EPHA1: variants seen among roughly 807,000 people sequenced by gnomAD.
The protein encoded by EPHA1 is EPH receptor A1, also known as ephrin type-A receptor 1.
A neutral mutation model predicts 110.1 loss-of-function variants in EPHA1; 92 were observed. That is an observed-to-expected ratio of 0.84 (90% CI 0.71 to 0.99). The LOEUF is 0.99. Ranked by LOEUF, EPHA1 falls within the 50% of genes least tolerant of loss-of-function variation. The pLI, the probability that EPHA1 is intolerant of heterozygous loss-of-function variation, is 0.00. For missense variants in EPHA1, 1,204 were observed against 1,285.4 expected, an observed-to-expected ratio of 0.94 and a Z score of 0.97; for synonymous variants, 500 against 516.1, an observed-to-expected ratio of 0.97 and a Z score of 0.42.
chr7:143,394,990 C>T lies in EPHA1; in HGVS notation c.2170G>A (p.Gly724Arg). Residue 724 changes from glycine (G) to arginine (R), a missense_variant, in exon 14 of 18, where the codon GGG becomes AGG. Transcript: ENST00000275815. ...CCCTGCAGCATGGCCACTAGCTGCC[C>T]AGGGACCAGCTGGTCCTCCCGCTCC... ...LREREDQLVP[G>R]QLVAMLQGIA... is the part of the protein sequence containing the mutation. The T allele has an allele frequency of 6.2e-7, 1 of 1,614,060 alleles. No individual in the cohort carries two copies. Among genetic ancestry groups the T allele is most frequent in the Non-Finnish European group, 8.5e-7 (1 of 1,180,010 alleles).
In EPHA1 at chr7:143,400,067, G is replaced by A; in HGVS notation, c.433-14C>T. 1 of 1,572,198 alleles carries A rather than the reference G, an allele frequency of 6.4e-7. No homozygotes were observed. The highest frequency in any genetic ancestry group is 8.6e-7 in the Non-Finnish European group (1 of 1,156,450). On this transcript the variant is annotated splice_polypyrimidine_tract_variant and intron_variant, in intron 3 of 17. Coordinates refer to ENST00000275815, the MANE Select transcript of EPHA1 (RefSeq NM_005232.5). ...CACCGTGGTTACCTGGGTAGAAGGT[G>A]GGGAAGAAAGGGGAGCAATGGCAAA... is the stretch of plus-strand genomic sequence containing the variant.
Position 143,398,599 on chromosome 7 carries a change from A to C in EPHA1, c.1336+2T>G. On this transcript the variant is annotated splice_donor_variant, in intron 6 of 17. Coordinates refer to ENST00000275815, the MANE Select transcript of EPHA1 (RefSeq NM_005232.5). LOFTEE classifies it high-confidence loss of function. ...CTGTCCCAGCCCCTCTCAGCCTCTC[A>C]CCTGCATGCCCCATGCTGATGCTGA... 6.2e-7 allele frequency: 1 copy of C among 1,612,218 alleles called. No individual in the cohort carries two copies. The highest frequency in any genetic ancestry group is 8.5e-7 in the Non-Finnish European group (1 of 1,178,726).
rs758255288 is a variant in EPHA1 at position 143,394,906 on chromosome 7, CA to C, written c.2253del (p.Ala752ProfsTer6). 90 of 1,614,184 alleles carry C rather than the reference CA, an allele frequency of 5.6e-5. No individual in the cohort carries two copies. The highest frequency in any genetic ancestry group is 1.4e-4 in the South Asian group (13 of 91,076). ...TTTTGATTCACCAAGATGTTTCTGG[CA>C]GCCAGGTCCCGGTGGACATAATTGT... ...SNHNYVHRDLAARNILVNQNL... is the reference protein window; with the variant it reads ...SNHNYVHRDLXARNILVNQNL... On this transcript the variant is annotated frameshift_variant, in exon 14 of 18. Transcript: ENST00000275815. LOFTEE classifies it high-confidence loss of function.
chr7:143,408,669 GCC>G, intron 1 of EPHA1, 53 bp downstream of exon 1: 1 of 387,648 alleles, frequency 2.6e-6, no homozygotes, highest in Non-Finnish European at 4.3e-6. Context: ...TGCTGGCCGG[GCC>G]CCGGGAAGGG....
At chr7:143,394,716 G>A in intron 14 of EPHA1, 92 bp downstream of exon 14, 1 of 1,477,148 alleles carries the variant, frequency 6.8e-7, no homozygotes, top group South Asian at 1.2e-5. Context: ...CACCGTGCCT[G>A]GCCAAGTCTT....
Position 143,395,135 on chromosome 7 carries a change from C to T in EPHA1, c.2131G>A (p.Asp711Asn). Residue 711 changes from aspartate (D) to asparagine (N), a missense_variant, in exon 13 of 18, where the codon GAT becomes AAT. Transcript: ENST00000275815. This position sits in a 1 kb window ranked among gnomAD's most constrained non-coding sequence, Gnocchi z 4.7. ...ITEFMENGALDAFLREREDQL... is the reference protein window; with the variant it reads ...ITEFMENGALNAFLREREDQL... ...GCCCTCCTCACCCTCAGGAAGGCAT[C>T]CAGGGCTCCATTCTCCATAAATTCT... is the stretch of plus-strand genomic sequence containing the variant. 6.2e-7 allele frequency: 1 copy of T among 1,614,078 alleles called. No individual in the cohort carries two copies. The highest frequency in any genetic ancestry group is 8.5e-7 in the Non-Finnish European group (1 of 1,180,046).
intron 2 of EPHA1, among the ~76,000 whole-genome samples, chr7:143,407,213 T>C (rs540404008): frequency 2.0e-5 from 3 of 152,246 alleles, no homozygotes; most frequent in East Asian, 1.9e-4. Context: ...TGCAACTTCA[T>C]TGGGATGAAT....
At chr7:143,404,980 CA>C (rs11331186) in intron 2 of EPHA1, among the ~76,000 whole-genome samples, 26,758 of 146,994 alleles carry the variant, frequency 0.18, 2,542 homozygotes, top group East Asian at 0.33. Context: ...TGGGAAAAGG[CA>C]AAAAAAAAAA....
At position 143,395,626 on chromosome 7, in the gene EPHA1, C is replaced by T; in HGVS notation, c.1898-122G>A. On this transcript the variant is annotated intron_variant, in intron 11 of 17. Transcript: ENST00000275815. The surrounding 1 kb of genome is among the most constrained non-coding windows in gnomAD (Gnocchi z 4.7). ...TGGAGAATCAGAAGCGTGGAGTGCC[C>T]TTCCTGGGACAGGGCGTGGGCTGTC... is the stretch of plus-strand genomic sequence containing the variant. 1 of 1,061,764 alleles carries T rather than the reference C, an allele frequency of 9.4e-7. No individual in the cohort carries two copies. Among genetic ancestry groups the T allele is most frequent in the Non-Finnish European group, 1.3e-6 (1 of 748,014 alleles). The allele number at this position is 1,061,764 out of a possible 1,614,324, so 65.8% of individuals were successfully genotyped here.
In EPHA1 at chr7:143,397,565, A is replaced by C; in HGVS notation, c.1708T>G (p.Ser570Ala). ...ALLLGILVFR[S>A]RRAQRQRQQR... ...GGAGGGGGCAGGAGCTGGCACCTGG[A>C]CCGGAAAACGAGAATCCCAAGCAGC... Residue 570 changes from serine (S) to alanine (A), a missense_variant, in exon 9 of 18, where the codon TCC (serine) becomes GCC (alanine). Physicochemically the swap from Ser to Ala is moderately conservative, Grantham distance 99. Transcript: ENST00000275815. 1 of 1,614,070 alleles carries C rather than the reference A, an allele frequency of 6.2e-7. No individual in the cohort carries two copies. The highest frequency in any genetic ancestry group is 8.5e-7 in the Non-Finnish European group (1 of 1,179,992).
rs1314143619 is a variant in EPHA1 at position 143,400,183 on chromosome 7, G to A, written c.433-130C>T. 2.6e-6 allele frequency: 3 copies of A among 1,132,290 alleles called. No individual in the cohort carries two copies. The African/African-American group carries it at 4.7e-5, about 18-fold the overall frequency. The allele number at this position is 1,132,290 out of a possible 1,614,324, so 70.1% of individuals were successfully genotyped here. A position where few individuals can be genotyped will look rare whatever the true frequency, so the allele number is the denominator to read the frequency against. On this transcript the variant is annotated intron_variant, in intron 3 of 17. Transcript: ENST00000275815. ...TGAGCCTTGTATGTGTGAGGTGCCA[G>A]GCTAAGCATTTTATGTGCATTATGC... is the stretch of plus-strand genomic sequence containing the variant.
rs1055934042 is a variant in EPHA1, at chr7:143,393,606, G to T, written c.2696+65C>A. ...GCCCAGCGCTCAAAGAAGATTGGCTGAATGCCCATTTCCACTCTCCTAGCG... is the reference window on the plus strand; with the variant it reads ...GCCCAGCGCTCAAAGAAGATTGGCTTAATGCCCATTTCCACTCTCCTAGCG... On this transcript the variant is annotated intron_variant, in intron 16 of 17. Coordinates refer to ENST00000275815, the MANE Select transcript of EPHA1 (RefSeq NM_005232.5). This position sits in a 1 kb window ranked among gnomAD's most constrained non-coding sequence, Gnocchi z 5.6. 3 of 1,548,150 alleles carry T rather than the reference G, an allele frequency of 1.9e-6. No homozygotes were observed. In the Admixed American group the frequency reaches 5.4e-5, roughly 28 times the overall value.
intron 9 of EPHA1, 41 bp downstream of exon 9, chr7:143,397,520 G>A (rs1586581424): frequency 6.2e-7 from 1 of 1,605,306 alleles, no homozygotes. Context: ...AGGGGCTTCT[G>A]ACCCAGGGCT....
rs765617275 is a variant in EPHA1 at position 143,397,671 on chromosome 7, G to C, written c.1616-14C>G. On this transcript the variant is annotated splice_polypyrimidine_tract_variant and intron_variant, in intron 8 of 17. Coordinates refer to ENST00000275815, the MANE Select transcript of EPHA1 (RefSeq NM_005232.5). The stretch of plus-strand genomic sequence containing the variant: ...GGCCCCTGGACACTGTAGGCACAAA[G>C]GGATGAGGAAGTGTTGGGACTCACA... 1 of 1,613,976 alleles carries C rather than the reference G, an allele frequency of 6.2e-7. No homozygotes were observed. The highest frequency in any genetic ancestry group is 2.2e-5 in the East Asian group (1 of 44,876).
intron 8 of EPHA1, 24 bp from the exon 9 acceptor site, chr7:143,397,681 A>G (rs1805297312): frequency 6.2e-7 from 1 of 1,613,228 alleles, no homozygotes; most frequent in Non-Finnish European, 8.5e-7. Flanking sequence ...GGGATGAGGA[A>G]GTGTTGGGAC....
chr7:143,399,823 G>C lies in EPHA1; in HGVS notation c.663C>G (p.Pro221=). 4 of 1,610,480 alleles carry C rather than the reference G, an allele frequency of 2.5e-6. No individual in the cohort carries two copies. Among genetic ancestry groups the C allele is most frequent in the East Asian group, 2.2e-5 (1 of 44,660 alleles). Residue 221 remains proline (P), a synonymous_variant, in exon 4 of 18, where the codon CCC becomes CCG. Transcript: ENST00000275815. ...LAQFPDTLPG[P]AGLVEVAGTC... The stretch of plus-strand genomic sequence containing the variant: ...TCCCCGCCACTTCCACCAACCCAGC[G>C]GGGCCAGGCAGAGTGTCTGGGAATT...
At chr7:143,394,043 T>C in intron 15 of EPHA1, 151 bp downstream of exon 15, 6 of 1,238,862 alleles carry the variant, frequency 4.8e-6, no homozygotes, top group Non-Finnish European at 6.7e-6. Flanking sequence ...GAGCAGGGCA[T>C]GAGGTGAAGA....
chr7:143,404,934 T>C (rs1805504515), intron 2 of EPHA1, among the ~76,000 whole-genome samples: 1 of 151,890 alleles, frequency 6.6e-6, no homozygotes. Flanking sequence ...TTCTACTCCA[T>C]TATAATGCAG....
chr7:143,397,958 G>A lies in EPHA1; in HGVS notation c.1577C>T (p.Pro526Leu). The stretch of plus-strand genomic sequence containing the variant: ...CCGAAACTCATGATCAGGGGAGAAA[G>A]GGCCAGGACCCAGTGGGGTCAGCAT... ...VRMLTPLGPG[P>L]FSPDHEFRTS... Residue 526 changes from proline to leucine, a missense_variant, in exon 8 of 18, where the codon CCT (proline) becomes CTT (leucine). Transcript: ENST00000275815. 6.2e-7 allele frequency: 1 copy of A among 1,614,176 alleles called. No homozygotes were observed. Among genetic ancestry groups the A allele is most frequent in the Non-Finnish European group, 8.5e-7 (1 of 1,180,018 alleles).
Sources: allele counts gnomAD v4.1 joint callset (sites outside exome capture counted in the v4.1 genomes callset), GRCh38; gene constraint gnomAD v4.1.1; non-coding constraint Gnocchi (gnomAD v3.1); transcripts MANE v1.5; gene names NCBI Gene and HGNC (gene_info 2026-07-23, HGNC 2026-07-21).